NAA11: variants seen among roughly 807,000 people sequenced by gnomAD.
The protein encoded by NAA11 is N-alpha-acetyltransferase 11, NatA catalytic subunit, also known as N-alpha-acetyltransferase 11.
Under a neutral mutation model 16.1 loss-of-function variants are expected in NAA11, and 15 were observed. The ratio of observed to expected loss-of-function variants is 0.93; its 90% CI spans 0.62 to 1.44. The LOEUF (loss-of-function observed/expected upper bound fraction) is 1.44. Ranked by LOEUF, NAA11 falls within the 40% of genes most tolerant of loss-of-function variation. NAA11 has a pLI of 0.00. For missense variants in NAA11, 298 were observed against 291.3 expected (o/e 1.02, Z -0.17); for synonymous variants, 122 against 112.4 (o/e 1.09, Z -0.54).
At chr4:79,156,782 T>G in the NAA11 span, among the ~76,000 whole-genome samples, 1 of 152,234 alleles carries the variant, frequency 6.6e-6, no homozygotes, top group South Asian at 2.1e-4. Context: ...ATAACTTGCC[T>G]GAGCTTCTGG....
chr4:79,158,698 GATAT>G, the NAA11 span, among the ~76,000 whole-genome samples: 5,429 of 112,076 alleles, frequency 0.048, 429 homozygotes, highest in African/African-American at 0.14. Context: ...CACATTACCT[GATAT>G]ATATATATAT....
chr4:79,281,304 G>C (rs1722780989), intron 2 of NAA11, among the ~76,000 whole-genome samples: 1 of 151,432 alleles, frequency 6.6e-6, no homozygotes, highest in South Asian at 2.1e-4. Flanking sequence ...CAAGGAGACA[G>C]TAAAGAATCC....
At chr4:79,160,787 A>C in the NAA11 span, among the ~76,000 whole-genome samples, 2,090 of 152,214 alleles carry the variant, frequency 0.014, 15 homozygotes, top group Middle Eastern at 0.024. Flanking sequence ...ATTTTTCCCC[A>C]TTCTATGCAC....
chr4:79,254,645 C>G (rs1447269079), intron 2 of NAA11, among the ~76,000 whole-genome samples: 1 of 123,204 alleles, frequency 8.1e-6, no homozygotes, highest in Non-Finnish European at 1.8e-5. Context: ...TTGTCCTTTT[C>G]TTTTTTTTTT....
At chr4:79,201,619 G>A in the NAA11 span, among the ~76,000 whole-genome samples, 8 of 151,374 alleles carry the variant, frequency 5.3e-5, no homozygotes, top group African/African-American at 1.7e-4. Context: ...TTATTTTGAC[G>A]TTGCTTATAT....
chr4:79,292,153 C>T (rs756693707), intron 2 of NAA11, among the ~76,000 whole-genome samples: 1 of 152,244 alleles, frequency 6.6e-6, no homozygotes, highest in Admixed American at 6.5e-5. Flanking sequence ...GGTCTACTTC[C>T]TCTGTTTATT....
the NAA11 span, among the ~76,000 whole-genome samples, chr4:79,196,955 C>CAAAAAA: frequency 6.2e-3 from 534 of 86,186 alleles, 1 homozygote; most frequent in Non-Finnish European, 7.5e-3. Flanking sequence ...ATGAAAAAGA[C>CAAAAAA]AAAAAAAAAA....
the NAA11 span, among the ~76,000 whole-genome samples, chr4:79,172,048 G>A: frequency 1.3e-5 from 2 of 152,048 alleles, no homozygotes; most frequent in African/African-American, 4.8e-5. Flanking sequence ...ATGAACAATA[G>A]GAAAGGCAGA....
intron 2 of NAA11, among the ~76,000 whole-genome samples, chr4:79,275,628 A>C (rs1215058790): frequency 6.6e-6 from 1 of 152,142 alleles, no homozygotes; most frequent in Non-Finnish European, 1.5e-5. Context: ...TGTGCATTCT[A>C]TCAATTTGAA....
chr4:79,246,394 A>AG (rs1721831175), intron 2 of NAA11, among the ~76,000 whole-genome samples: 2 of 36,928 alleles, frequency 5.4e-5, no homozygotes, highest in Admixed American at 2.6e-4. Context: ...AAAAAAAAAA[A>AG]AAAAAGAAAA....
the NAA11 span, among the ~76,000 whole-genome samples, chr4:79,207,743 TTA>T: frequency 1.3e-5 from 2 of 152,170 alleles, no homozygotes; most frequent in African/African-American, 2.4e-5. Flanking sequence ...ATGTTGGGGA[TTA>T]TGAGTGCTTT....
chr4:79,282,086 A>G (rs1194507843), intron 2 of NAA11, among the ~76,000 whole-genome samples: 1 of 152,120 alleles, frequency 6.6e-6, no homozygotes, highest in East Asian at 1.9e-4. Flanking sequence ...CCTTCTAAAG[A>G]TCTAGGGACA....
intron 2 of NAA11, among the ~76,000 whole-genome samples, chr4:79,266,756 G>A (rs1722354263): frequency 6.6e-6 from 1 of 152,174 alleles, no homozygotes; most frequent in African/African-American, 2.4e-5. Flanking sequence ...GTGAATCACA[G>A]AAGATTCATC....
At chr4:79,323,614 A>T (rs367727063) in intron 1 of NAA11, among the ~76,000 whole-genome samples, 2 of 152,268 alleles carry the variant, frequency 1.3e-5, no homozygotes, top group East Asian at 3.9e-4. Context: ...AGGTCAGGAG[A>T]TCAAGACCAT....
chr4:79,203,616 AT>A, the NAA11 span, among the ~76,000 whole-genome samples: 614 of 146,146 alleles, frequency 4.2e-3, 1 homozygote, highest in African/African-American at 0.011. Flanking sequence ...CTTTTCCCTG[AT>A]TTTTTTTTTT....
At chr4:79,171,728 T>G in the NAA11 span, among the ~76,000 whole-genome samples, 2 of 152,188 alleles carry the variant, frequency 1.3e-5, no homozygotes, top group Admixed American at 1.3e-4. Flanking sequence ...TTATTTACTT[T>G]GTGGCTTATC....
Position 79,325,852 on chromosome 4 carries a change from TCTGG to T in NAA11, c.22_25del (p.Pro8ThrfsTer3). 6.2e-7 allele frequency: 1 copy of T among 1,612,792 alleles called. No homozygotes were observed. The highest frequency in any genetic ancestry group is 1.1e-5 in the South Asian group (1 of 90,866). On this transcript the variant is annotated frameshift_variant, in exon 1 of 2. Transcript: ENST00000286794. LOFTEE classifies it high-confidence loss of function. The stretch of plus-strand genomic sequence containing the variant: ...GCAGTGTTGCATATTCATCAGGTCG[TCTGG>T]CTGAGCGTTGCGGATGTTCATAATG...
chr4:79,317,819 G>A (rs984377822), intron 1 of NAA11, 28 bp from the exon 2 acceptor site: 1 of 152,256 alleles, frequency 6.6e-6, no homozygotes, highest in Non-Finnish European at 1.5e-5. Flanking sequence ...GAAAACAAAT[G>A]AGAAAGGGAG....
chr4:79,167,588 C>T, the NAA11 span, among the ~76,000 whole-genome samples: 1 of 152,070 alleles, frequency 6.6e-6, no homozygotes, highest in East Asian at 1.9e-4. Flanking sequence ...TTATAGTTGT[C>T]AGTGTGAGTT....
Sources: gnomAD v4.1 joint callset for allele counts (sites outside exome capture counted in the v4.1 genomes callset) on GRCh38, gnomAD v4.1.1 for gene constraint, MANE v1.5 for transcripts, NCBI Gene and HGNC (gene_info 2026-07-23, HGNC 2026-07-21) for gene names.